Variants in EPHA3 observed in about 807,000 individuals in gnomAD.
EPHA3 encodes ephrin type-A receptor 3.
EPHA3 carries 42 observed loss-of-function variants against 107.1 expected under a neutral mutation model. The observed-to-expected ratio is 0.39, with a 90% CI of 0.31 to 0.51. The LOEUF (loss-of-function observed/expected upper bound fraction) is 0.51. Among genes scored for constraint, EPHA3 ranks in the 20% least tolerant of loss-of-function variants. The probability of loss-of-function intolerance (pLI) is 0.78; values close to 1 mark genes in which losing one functional copy is unlikely to be tolerated. For synonymous variants in EPHA3, 461 were observed against 424.8 expected (o/e 1.09, Z -1.05); for missense variants, 1,183 against 1,211.2 (o/e 0.98, Z 0.35).
intron 3 of EPHA3, among the ~76,000 whole-genome samples, chr3:89,320,086 T>C (rs978261369): frequency 2.0e-5 from 3 of 151,948 alleles, no homozygotes; most frequent in African/African-American, 7.2e-5. Context: ...ATAGCATAAT[T>C]CTAAGAAGAA....
At chr3:89,162,485 T>G (rs1704972769) in intron 2 of EPHA3, among the ~76,000 whole-genome samples, 1 of 152,216 alleles carries the variant, frequency 6.6e-6, no homozygotes, top group African/African-American at 2.4e-5. Context: ...TCACTCAGTA[T>G]TGTTCTCTTC....
intron 3 of EPHA3, among the ~76,000 whole-genome samples, chr3:89,213,382 C>T (rs948692836): frequency 6.6e-6 from 1 of 152,100 alleles, no homozygotes; most frequent in East Asian, 1.9e-4. Flanking sequence ...ACTATCCATT[C>T]TTAGAATAGA....
chr3:89,477,618 GTGTGTC>G (rs1257773120), intron 16 of EPHA3, among the ~76,000 whole-genome samples: 1 of 152,096 alleles, frequency 6.6e-6, no homozygotes, highest in South Asian at 2.1e-4. Flanking sequence ...GTGTGTGTGT[GTGTGTC>G]TGTGTCTGTG....
intron 15 of EPHA3, among the ~76,000 whole-genome samples, chr3:89,471,275 C>T (rs566577456): frequency 6.6e-6 from 1 of 151,968 alleles, no homozygotes. Context: ...TATGCCTCTT[C>T]TGTTCCATTG....
At chr3:89,192,683 T>C (rs1188175276) in intron 2 of EPHA3, among the ~76,000 whole-genome samples, 1 of 152,080 alleles carries the variant, frequency 6.6e-6, no homozygotes, top group Non-Finnish European at 1.5e-5. Context: ...AATTTCATGG[T>C]ATTGACTTGG....
At chr3:89,349,710 C>G (rs1399239100) in intron 5 of EPHA3, among the ~76,000 whole-genome samples, 1 of 148,692 alleles carries the variant, frequency 6.7e-6, no homozygotes, top group Non-Finnish European at 1.5e-5. Flanking sequence ...TCTTCCTAGT[C>G]TCGATGGTCT....
At chr3:89,449,967 G>A (rs1709954256) in intron 14 of EPHA3, among the ~76,000 whole-genome samples, 1 of 151,928 alleles carries the variant, frequency 6.6e-6, no homozygotes, top group Non-Finnish European at 1.5e-5. Context: ...CTAAATTTAT[G>A]TTATTTCAAT....
At chr3:89,280,521 T>C (rs991901437) in intron 3 of EPHA3, among the ~76,000 whole-genome samples, 10 of 152,190 alleles carry the variant, frequency 6.6e-5, no homozygotes, top group African/African-American at 2.4e-4. Context: ...TGATTAGTGC[T>C]GAGTGAACTA....
chr3:89,457,461 A>C (rs1233411568), intron 15 of EPHA3, among the ~76,000 whole-genome samples: 1 of 152,120 alleles, frequency 6.6e-6, no homozygotes, highest in African/African-American at 2.4e-5. Context: ...AACCGCACAC[A>C]CGAGGAGTCT....
chr3:89,434,398 A>G (rs1709626586), intron 13 of EPHA3, among the ~76,000 whole-genome samples: 1 of 152,048 alleles, frequency 6.6e-6, no homozygotes, highest in Non-Finnish European at 1.5e-5. Flanking sequence ...TTGTATTTTT[A>G]GTACAGACGG....
intron 3 of EPHA3, among the ~76,000 whole-genome samples, chr3:89,236,322 T>TATAAGATCTCAAAATAATACAAA (rs1204825680): frequency 6.6e-6 from 1 of 151,806 alleles, no homozygotes; most frequent in Non-Finnish European, 1.5e-5. Context: ...AATACAAATA[T>TATAAGATCTCAAAATAATACAAA]TATTAAAAAG....
At chr3:89,387,446 T>A (rs1479123840) in intron 5 of EPHA3, among the ~76,000 whole-genome samples, 1 of 152,154 alleles carries the variant, frequency 6.6e-6, no homozygotes, top group Non-Finnish European at 1.5e-5. Flanking sequence ...TGATTGTAAG[T>A]TTCTTGAGGC....
At chr3:89,457,350 C>G (rs1483792048) in intron 15 of EPHA3, among the ~76,000 whole-genome samples, 4 of 152,208 alleles carry the variant, frequency 2.6e-5, no homozygotes, top group Non-Finnish European at 1.5e-5. Flanking sequence ...GGTGGCAAAG[C>G]AGAAGGCAAA....
intron 16 of EPHA3, 119 bp from the exon 17 acceptor site, chr3:89,479,278 A>G (rs1207569081): frequency 7.9e-6 from 6 of 758,190 alleles, no homozygotes; most frequent in Admixed American, 2.2e-5. Context: ...TGATGCAAAT[A>G]TCAGACAATT....
intron 5 of EPHA3, among the ~76,000 whole-genome samples, chr3:89,342,582 G>T (rs1707554491): frequency 6.6e-6 from 1 of 152,014 alleles, no homozygotes; most frequent in Admixed American, 6.6e-5. Context: ...ATTACTTATG[G>T]ATTTTACTTG....
intron 2 of EPHA3, among the ~76,000 whole-genome samples, chr3:89,204,608 A>ATGTGTGTT (rs1553664104): frequency 6.7e-6 from 1 of 148,658 alleles, no homozygotes; most frequent in African/African-American, 2.5e-5. Flanking sequence ...CTGTGTGTAA[A>ATGTGTGTT]TGTGTGTGTG....
intron 2 of EPHA3, among the ~76,000 whole-genome samples, chr3:89,174,590 AT>A (rs11348161): frequency 0.22 from 33,716 of 151,704 alleles, 3,888 homozygotes; most frequent in Middle Eastern, 0.33. Flanking sequence ...CAAGTTCATC[AT>A]TTTTTTAAGA....
intron 15 of EPHA3, among the ~76,000 whole-genome samples, chr3:89,453,496 GA>G (rs927242023): frequency 1.7e-4 from 25 of 151,456 alleles, no homozygotes; most frequent in African/African-American, 5.8e-4. Context: ...CATAATTTTA[GA>G]AAAAAATCAA....
chr3:89,354,329 A>G (rs1449204471), intron 5 of EPHA3, among the ~76,000 whole-genome samples: 2 of 151,334 alleles, frequency 1.3e-5, no homozygotes, highest in Admixed American at 1.3e-4. Flanking sequence ...CAGATATATT[A>G]CTACCACTGG....
Sources: gnomAD v4.1 joint callset for allele counts (sites outside exome capture counted in the v4.1 genomes callset) on GRCh38, gnomAD v4.1.1 for gene constraint, MANE v1.5 for transcripts, NCBI Gene and HGNC (gene_info 2026-07-23, HGNC 2026-07-21) for gene names.